Variants in NRXN1 observed in about 807,000 individuals in gnomAD.
NRXN1 encodes neurexin-1.
In NRXN1, 39 loss-of-function variants were observed where a neutral mutation model predicts 150.9. The ratio of observed to expected loss-of-function variants is 0.26; its 90% CI spans 0.20 to 0.34. NRXN1 has a LOEUF of 0.34. Ranked by LOEUF, NRXN1 falls within the 10% of genes least tolerant of loss-of-function variation. The pLI, the probability that NRXN1 is intolerant of heterozygous loss-of-function variation, is 1.00. For missense variants in NRXN1, 1,815 were observed against 1,949.9 expected, an observed-to-expected ratio of 0.93 and a Z score of 1.30; for synonymous variants, 924 against 757.0, an observed-to-expected ratio of 1.22 and a Z score of -3.62.
chr2:50,378,808 T>G (rs2080718888), intron 17 of NRXN1, among the ~76,000 whole-genome samples: 1 of 152,236 alleles, frequency 6.6e-6, no homozygotes, highest in East Asian at 1.9e-4. Context: ...AACAGGTAAC[T>G]TTAAGAGGGA....
intron 5 of NRXN1, among the ~76,000 whole-genome samples, chr2:50,899,512 G>C (rs1682574238): frequency 2.0e-5 from 3 of 151,898 alleles, no homozygotes; most frequent in African/African-American, 7.3e-5. Flanking sequence ...GCTTCCCCCA[G>C]GTTTATATTA....
chr2:50,278,255 T>TTATATATATTATA (rs1553368389), intron 17 of NRXN1, among the ~76,000 whole-genome samples: 1 of 112,572 alleles, frequency 8.9e-6, no homozygotes, highest in African/African-American at 3.6e-5. Flanking sequence ...TATATATATA[T>TTATATATATTATA]TATATATATT....
intron 5 of NRXN1, among the ~76,000 whole-genome samples, chr2:50,887,267 C>T (rs1389830576): frequency 6.6e-6 from 1 of 151,338 alleles, no homozygotes; most frequent in Non-Finnish European, 1.5e-5. Flanking sequence ...TAGAGGAGTT[C>T]GGTCTACTTT....
chr2:50,140,669 CTTTT>C (rs34745463), intron 18 of NRXN1, among the ~76,000 whole-genome samples: 1 of 145,878 alleles, frequency 6.9e-6, no homozygotes, highest in Non-Finnish European at 1.5e-5. Context: ...TTTTCTCTCT[CTTTT>C]TTTTTTTTAA....
intron 5 of NRXN1, among the ~76,000 whole-genome samples, chr2:50,855,770 A>G (rs1445812976): frequency 6.6e-6 from 1 of 152,084 alleles, no homozygotes; most frequent in Non-Finnish European, 1.5e-5. Flanking sequence ...ATATCTTACT[A>G]TGTCCACTGA....
chr2:50,530,772 T>C (rs1002839885), intron 11 of NRXN1, among the ~76,000 whole-genome samples: 1 of 152,162 alleles, frequency 6.6e-6, no homozygotes, highest in Non-Finnish European at 1.5e-5. Flanking sequence ...GAGAAGCCCA[T>C]GGAGTAGAGT....
At chr2:50,003,110 T>C (rs557077014) in intron 21 of NRXN1, among the ~76,000 whole-genome samples, 32 of 152,206 alleles carry the variant, frequency 2.1e-4, no homozygotes, top group African/African-American at 7.2e-4. Context: ...GTTTTCGAGA[T>C]AGTTATGTTC....
chr2:50,683,335 T>G (rs1226897933), intron 5 of NRXN1, among the ~76,000 whole-genome samples: 2 of 151,560 alleles, frequency 1.3e-5, no homozygotes, highest in African/African-American at 2.4e-5. Flanking sequence ...GAGAAGGATT[T>G]AAAATATTAG....
intron 5 of NRXN1, among the ~76,000 whole-genome samples, chr2:50,674,011 T>C (rs909878743): frequency 6.6e-5 from 10 of 152,016 alleles, no homozygotes; most frequent in African/African-American, 2.4e-4. Context: ...AACTGGTTGA[T>C]GGGTGCAGCA....
At chr2:50,605,971 A>T (rs1677043847) in intron 8 of NRXN1, among the ~76,000 whole-genome samples, 1 of 152,128 alleles carries the variant, frequency 6.6e-6, no homozygotes, top group African/African-American at 2.4e-5. Flanking sequence ...GCCTTAAAAA[A>T]GAGAATCAGC....
intron 18 of NRXN1, among the ~76,000 whole-genome samples, chr2:50,212,298 G>T (rs1195399841): frequency 1.0e-5 from 1 of 99,198 alleles, no homozygotes; most frequent in African/African-American, 4.1e-5. Context: ...CTTTGAATTT[G>T]CAAAAAAAAA....
chr2:50,279,194 G>C (rs767287195), intron 17 of NRXN1, among the ~76,000 whole-genome samples: 1 of 152,176 alleles, frequency 6.6e-6, no homozygotes, highest in Non-Finnish European at 1.5e-5. Context: ...TGACCCACCA[G>C]TTGCTTATCA....
intron 5 of NRXN1, among the ~76,000 whole-genome samples, chr2:50,793,600 G>A (rs17568770): frequency 0.093 from 14,114 of 152,064 alleles, 721 homozygotes; most frequent in Non-Finnish European, 0.11. Context: ...AATAAAGTGT[G>A]TTCTTTCAAA....
At chr2:50,907,009 A>C (rs1683790725) in intron 5 of NRXN1, among the ~76,000 whole-genome samples, 1 of 151,962 alleles carries the variant, frequency 6.6e-6, no homozygotes, top group Non-Finnish European at 1.5e-5. Flanking sequence ...AGCAAGTCAT[A>C]GCAACCAGAA....
At chr2:50,083,399 A>G (rs1698255932) in intron 19 of NRXN1, among the ~76,000 whole-genome samples, 1 of 152,226 alleles carries the variant, frequency 6.6e-6, no homozygotes, top group South Asian at 2.1e-4. Context: ...CTCTTTTAAC[A>G]GAAAATAAAA....
chr2:50,809,408 G>C (rs75847808), intron 5 of NRXN1, among the ~76,000 whole-genome samples: 4 of 152,084 alleles, frequency 2.6e-5, no homozygotes, highest in African/African-American at 9.7e-5. Context: ...GAATGGAGAA[G>C]AGCCAGGTAG....
intron 5 of NRXN1, among the ~76,000 whole-genome samples, chr2:50,679,142 GTA>G (rs1490575899): frequency 6.6e-6 from 1 of 152,044 alleles, no homozygotes; most frequent in Non-Finnish European, 1.5e-5. Flanking sequence ...TGTCAGAAGA[GTA>G]TGTGGAAAAG....
At chr2:50,697,825 C>T (rs1224845708) in intron 5 of NRXN1, among the ~76,000 whole-genome samples, 1 of 152,176 alleles carries the variant, frequency 6.6e-6, no homozygotes, top group African/African-American at 2.4e-5. Context: ...CAGGTTGGCA[C>T]TTTTGTTCCT....
chr2:50,271,136 G>A (rs115307494), intron 17 of NRXN1, among the ~76,000 whole-genome samples: 2,052 of 152,190 alleles, frequency 0.013, 57 homozygotes, highest in African/African-American at 0.047. Flanking sequence ...AACACTACTG[G>A]ACAATATTGA....
Sources: allele counts gnomAD v4.1 joint callset (sites outside exome capture counted in the v4.1 genomes callset), GRCh38; gene constraint gnomAD v4.1.1; transcripts MANE v1.5; gene names NCBI Gene and HGNC (gene_info 2026-07-23, HGNC 2026-07-21).